The following LRBA variants were observed in gnomAD, a reference collection of about 807,000 sequenced individuals.
LRBA encodes the protein LPS responsive beige-like anchor protein, also known as lipopolysaccharide-responsive and beige-like anchor protein.
A neutral mutation model predicts 330.0 loss-of-function variants in LRBA; 176 were observed. The ratio of observed to expected loss-of-function variants is 0.53; its 90% CI spans 0.47 to 0.60. The LOEUF is 0.60. LRBA is among the 20% of genes least tolerant of loss of function. LRBA has a pLI of 0.00. For synonymous variants in LRBA, 1,230 were observed against 1,193.0 expected, an observed-to-expected ratio of 1.03 and a Z score of -0.64; for missense variants, 3,259 against 3,444.8, an observed-to-expected ratio of 0.95 and a Z score of 1.35.
At chr4:150,456,287 C>G (rs1373828552) in intron 44 of LRBA, among the ~76,000 whole-genome samples, 1 of 152,092 alleles carries the variant, frequency 6.6e-6, no homozygotes, top group Non-Finnish European at 1.5e-5. Context: ...ATGTTCCTAC[C>G]AACAGTGTAC....
At chr4:150,450,386 C>T (rs1753194309) in intron 44 of LRBA, among the ~76,000 whole-genome samples, 3 of 152,178 alleles carry the variant, frequency 2.0e-5, no homozygotes, top group Admixed American at 2.0e-4. Flanking sequence ...TTCATGCTCT[C>T]TTTGAAGCCT....
intron 56 of LRBA, among the ~76,000 whole-genome samples, chr4:150,271,622 C>T (rs1746111367): frequency 6.6e-6 from 1 of 150,760 alleles, no homozygotes; most frequent in Non-Finnish European, 1.5e-5. Context: ...GAAATTCTTG[C>T]TGCCAGCACA....
At position 150,613,751 on chromosome 4, in the gene LRBA, G is replaced by A. The variant is rs147653096; in HGVS notation, c.5922-14620C>T. The stretch of plus-strand genomic sequence containing the variant: ...ATCTCTGGCGGGAGTTGCAGCTAAG[G>A]TCTTAGGCCTCTCTGGCCAGTTATG... On this transcript the variant is annotated intron_variant, in intron 37 of 56. Transcript: ENST00000651943. Among the ~76,000 whole-genome samples the A allele has an allele frequency of 1.1e-4, 17 of 152,352 alleles. No homozygotes were observed. In the East Asian group the frequency reaches 3.1e-3, roughly 28 times the overall value.
intron 17 of LRBA, among the ~76,000 whole-genome samples, chr4:150,880,287 AGGTG>A (rs1318335064): frequency 6.6e-6 from 1 of 152,200 alleles, no homozygotes; most frequent in African/African-American, 2.4e-5. Flanking sequence ...TGGGAGTCTG[AGGTG>A]GGTGGATCAC....
In LRBA at chr4:150,389,344, A is replaced by G. The variant is rs574114154; in HGVS notation, c.7194+26094T>C. On this transcript the variant is annotated intron_variant, in intron 47 of 56. Coordinates refer to ENST00000651943, the MANE Select transcript of LRBA (RefSeq NM_001364905.1). ...ACTCCAGCCTGAACAACAGAGTGAG[A>G]CTCAGTCTCTAAATAAATAAATAAA... Among the ~76,000 whole-genome samples, 168 of 151,940 alleles carry G rather than the reference A, an allele frequency of 1.1e-3. 1 individual carries two copies. The South Asian group carries it at 0.015, about 14-fold the overall frequency.
intron 37 of LRBA, among the ~76,000 whole-genome samples, chr4:150,627,034 A>C (rs1019628663): frequency 6.6e-6 from 1 of 152,156 alleles, no homozygotes; most frequent in African/African-American, 2.4e-5. Context: ...CAAATTTTTC[A>C]GTCATATAGT....
intron 40 of LRBA, chr4:150,584,326 A>G (rs1771811129): frequency 2.2e-6 from 1 of 452,358 alleles, no homozygotes; most frequent in African/African-American, 2.0e-5. Context: ...GTTTTCTTCC[A>G]AACAATGTGA....
chr4:150,573,259 G>C (rs1437836287), intron 40 of LRBA, among the ~76,000 whole-genome samples: 1 of 152,136 alleles, frequency 6.6e-6, no homozygotes, highest in Non-Finnish European at 1.5e-5. Flanking sequence ...GCAAGCCCTG[G>C]AACACACAAC....
intron 36 of LRBA, among the ~76,000 whole-genome samples, chr4:150,730,329 G>A (rs920433957): frequency 2.6e-5 from 4 of 152,124 alleles, no homozygotes; most frequent in Non-Finnish European, 5.9e-5. Context: ...TTAAAAATGG[G>A]CAAAATATTT....
intron 29 of LRBA, among the ~76,000 whole-genome samples, chr4:150,828,931 G>A (rs1329306603): frequency 1.4e-5 from 2 of 145,902 alleles, no homozygotes; most frequent in Non-Finnish European, 3.0e-5. Context: ...GGGTGTGTGT[G>A]TGTGTGTGTG....
At chr4:150,270,009 A>T (rs2126703513) in intron 56 of LRBA, among the ~76,000 whole-genome samples, 1 of 152,328 alleles carries the variant, frequency 6.6e-6, no homozygotes, top group Middle Eastern at 3.4e-3. Context: ...TGAAAAGACA[A>T]CATCACTGAT....
intron 2 of LRBA, among the ~76,000 whole-genome samples, chr4:150,964,230 C>T (rs559033437): frequency 6.7e-6 from 1 of 148,270 alleles, no homozygotes; most frequent in South Asian, 2.1e-4. Flanking sequence ...CCGGCCGCCA[C>T]CCTGTCTGGG....
chr4:150,318,645 T>C (rs992048427), intron 50 of LRBA, among the ~76,000 whole-genome samples: 2 of 152,166 alleles, frequency 1.3e-5, no homozygotes, highest in Non-Finnish European at 2.9e-5. Flanking sequence ...TAGTTGCAGG[T>C]GCAGCTCAAA....
chr4:150,678,523 C>G (rs1582019616), intron 37 of LRBA, among the ~76,000 whole-genome samples: 1 of 152,106 alleles, frequency 6.6e-6, no homozygotes, highest in African/African-American at 2.4e-5. Context: ...GTGTTTAAAA[C>G]TAAACACTAA....
At chr4:150,844,422 G>T (rs1259147565) in intron 27 of LRBA, among the ~76,000 whole-genome samples, 1 of 151,806 alleles carries the variant, frequency 6.6e-6, no homozygotes, top group Non-Finnish European at 1.5e-5. Flanking sequence ...CATATTTGAA[G>T]GAAAAGGCAT....
chr4:150,870,124 T>C (rs1424951518), intron 20 of LRBA, among the ~76,000 whole-genome samples: 1 of 152,238 alleles, frequency 6.6e-6, no homozygotes, highest in Non-Finnish European at 1.5e-5. Flanking sequence ...TTAACAAGAC[T>C]ATCTTCATAA....
At chr4:150,867,959 T>A in intron 21 of LRBA, 96 bp from the exon 22 acceptor site, 1 of 1,064,036 alleles carries the variant, frequency 9.4e-7, no homozygotes, top group Non-Finnish European at 1.3e-6. Context: ...CCCCTCCCTT[T>A]CCCCCCGAAA....
chr4:150,819,357 T>G (rs964113148), intron 30 of LRBA, among the ~76,000 whole-genome samples: 3 of 151,714 alleles, frequency 2.0e-5, no homozygotes, highest in African/African-American at 7.2e-5. Context: ...TGTATAAATT[T>G]GTCAAAACTC....
chr4:150,828,320 A>G lies in LRBA; in HGVS notation c.5031T>C (p.Asn1677=), dbSNP rs114738831. ...CCAAGCTTCGGAGAATGTCTTTCAC[A>G]TTGACGTTTTTTGAAACTGAAACTG... ...TPSVSVSKNV[N]VKDILRSLVN... is the part of the protein sequence containing the mutation. The change falls in exon 30 of 57, where the codon AAT becomes AAC. Residue 1677 remains asparagine, a synonymous_variant. Coordinates refer to ENST00000651943, the MANE Select transcript of LRBA (RefSeq NM_001364905.1). 507 of 1,614,132 alleles carry G rather than the reference A, an allele frequency of 3.1e-4. 2 individuals carry two copies. The African/African-American group carries it at 6.2e-3, about 20-fold the overall frequency.
Sources: gnomAD v4.1 joint callset for allele counts (sites outside exome capture counted in the v4.1 genomes callset) on GRCh38, gnomAD v4.1.1 for gene constraint, MANE v1.5 for transcripts, NCBI Gene and HGNC (gene_info 2026-07-23, HGNC 2026-07-21) for gene names.